Variants in CDH3 observed in about 807,000 individuals in gnomAD.
CDH3 encodes the protein cadherin 3.
Under a neutral mutation model 82.0 loss-of-function variants are expected in CDH3, and 54 were observed. The ratio of observed to expected loss-of-function variants is 0.66; its 90% CI spans 0.53 to 0.83. CDH3 has a LOEUF of 0.83. CDH3 is among the 40% of genes least tolerant of loss of function. The probability of loss-of-function intolerance (pLI) is 0.00; values close to 1 mark genes in which losing one functional copy is unlikely to be tolerated. For synonymous variants in CDH3, 446 were observed against 437.9 expected (o/e 1.02, Z -0.23); for missense variants, 1,054 against 1,084.6 (o/e 0.97, Z 0.40).
At chr16:68,656,823 G>A (rs900455928) in intron 2 of CDH3, among the ~76,000 whole-genome samples, 9 of 152,200 alleles carry the variant, frequency 5.9e-5, no homozygotes, top group Admixed American at 2.0e-4. Context: ...TAATCGCCAG[G>A]AGGGTTGGGG....
At position 68,653,100 on chromosome 16, in the gene CDH3, T is replaced by C. The variant is rs139739839; in HGVS notation, c.160+7350T>C. Reference sequence around the variant, plus strand: ...ATATCAGCTCCTCTCTGTTCTGAAGTAGTGAGGTGTCTTCTGCATTCTCCC... The same window carrying C: ...ATATCAGCTCCTCTCTGTTCTGAAGCAGTGAGGTGTCTTCTGCATTCTCCC... On this transcript the variant is annotated intron_variant, in intron 2 of 15. Transcript: ENST00000264012. 3.1e-3 allele frequency among the ~76,000 whole-genome samples: 474 copies of C among 152,280 alleles called. 6 individuals are homozygous for C. The highest frequency in any genetic ancestry group is 0.02 in the East Asian group (104 of 5,182).
intron 2 of CDH3, among the ~76,000 whole-genome samples, chr16:68,725,419 T>C (rs932511775): frequency 7.2e-5 from 11 of 151,962 alleles, no homozygotes; most frequent in South Asian, 2.1e-4. Context: ...CTGCAAGCTC[T>C]GCCTCCAGGG....
chr16:68,710,595 C>T (rs991000141), intron 1 of CDH3, among the ~76,000 whole-genome samples: 3 of 151,982 alleles, frequency 2.0e-5, no homozygotes, highest in Admixed American at 2.0e-4. Flanking sequence ...CGGTGGCTCA[C>T]GCCTGTAATC....
rs531388161 is a variant in CDH3, at chr16:68,666,510, G to C, written c.161-9875G>C. Among the ~76,000 whole-genome samples the C allele has an allele frequency of 2.6e-5, 4 of 152,214 alleles. No homozygotes were observed. The South Asian group carries it at 6.2e-4, about 24-fold the overall frequency. On this transcript the variant is annotated intron_variant, in intron 2 of 15. Coordinates refer to ENST00000264012, the MANE Select transcript of CDH3 (RefSeq NM_001793.6). ...GCCTCTTGGGATCCCAGCATGTGCA[G>C]CCTCTTCCCCCCACCCCACTTTGCT...
At chr16:68,676,783 C>G (rs1205758711) in intron 3 of CDH3, among the ~76,000 whole-genome samples, 1 of 152,218 alleles carries the variant, frequency 6.6e-6, no homozygotes, top group Non-Finnish European at 1.5e-5. Flanking sequence ...CCCTTATCAT[C>G]CATGTTAACC....
chr16:68,647,663 T>A (rs912932807), intron 2 of CDH3, among the ~76,000 whole-genome samples: 2 of 152,110 alleles, frequency 1.3e-5, no homozygotes, highest in Non-Finnish European at 2.9e-5. Context: ...CTTGCTTTTT[T>A]AAGTAAAAGT....
intron 2 of CDH3, among the ~76,000 whole-genome samples, chr16:68,670,205 CA>C (rs1960848420): frequency 8.9e-6 from 1 of 112,074 alleles, no homozygotes; most frequent in Non-Finnish European, 1.7e-5. Context: ...GCCTGGGCAA[CA>C]GAGCAAGACT....
At position 68,698,171 on chromosome 16, in the gene CDH3, C is replaced by T. The variant is rs1961791979; in HGVS notation, c.2281-20C>T. 1 of 1,613,526 alleles carries T rather than the reference C, an allele frequency of 6.2e-7. No individual in the cohort carries two copies. Among genetic ancestry groups the T allele is most frequent in the Non-Finnish European group, 8.5e-7 (1 of 1,179,590 alleles). On this transcript the variant is annotated intron_variant, in intron 15 of 15. Coordinates refer to ENST00000264012, the MANE Select transcript of CDH3 (RefSeq NM_001793.6). The stretch of plus-strand genomic sequence containing the variant: ...AGGCAGGACCCGCCGCTCCTAACTA[C>T]CTGTTCTCTGTTGCCGCAGAACCTG...
rs796911735 is a variant in CDH3 at position 68,678,140 on chromosome 16, A to G, written c.253A>G (p.Arg85Gly). The G allele has an allele frequency of 1.2e-6, 2 of 1,613,780 alleles. No homozygotes were observed. Among genetic ancestry groups the G allele is most frequent in the Non-Finnish European group, 1.7e-6 (2 of 1,179,770 alleles). The change falls in exon 4 of 16, where the codon AGG becomes GGG. Residue 85 changes from arginine to glycine, a missense_variant. Transcript: ENST00000264012. ...GGAGTTTCTCTCCTTGCAGGAAAGA[A>G]GGTCACTGAAGGAAAGGAATCCATT... is the stretch of plus-strand genomic sequence containing the variant. ...VRNGETVQER[R>G]SLKERNPLKI... is the part of the protein sequence containing the mutation.
chr16:68,679,726 A>C, intron 6 of CDH3, 73 bp from the exon 7 acceptor site: 1 of 975,368 alleles, frequency 1.0e-6, no homozygotes, highest in African/African-American at 1.7e-5. Flanking sequence ...AAAGAAAAGA[A>C]AAAAAGAGTT....
intron 2 of CDH3, among the ~76,000 whole-genome samples, chr16:68,656,209 G>A (rs1960406077): frequency 6.6e-6 from 1 of 151,868 alleles, no homozygotes; most frequent in African/African-American, 2.4e-5. Context: ...AGTTGTACCA[G>A]TATGGAGACA....
rs367565334 is a variant in CDH3, at chr16:68,697,119, T to C, written c.2281-1072T>C. Among the ~76,000 whole-genome samples the C allele has an allele frequency of 1.1e-4, 16 of 150,948 alleles. No individual in the cohort carries two copies. The East Asian group carries it at 2.0e-3, about 18-fold the overall frequency. On this transcript the variant is annotated intron_variant, in intron 15 of 15. Coordinates refer to ENST00000264012, the MANE Select transcript of CDH3 (RefSeq NM_001793.6). The stretch of plus-strand genomic sequence containing the variant: ...GCGGGCAGATCACAAGGTCAAGAGA[T>C]TGAGACTATCCTGGCCAACATGGTA...
At chr16:68,667,363 C>G (rs1960760849) in intron 2 of CDH3, among the ~76,000 whole-genome samples, 2 of 152,138 alleles carry the variant, frequency 1.3e-5, no homozygotes, top group Admixed American at 1.3e-4. Flanking sequence ...TGCCTTTTGG[C>G]CACAATATGT....
At position 68,645,501 on chromosome 16, in the gene CDH3, G is replaced by A. The variant is rs552461610; in HGVS notation, c.45+77G>A. 22 of 1,526,200 alleles carry A rather than the reference G, an allele frequency of 1.4e-5. No homozygotes were observed. In the South Asian group the frequency reaches 2.0e-4, roughly 14 times the overall value. 94.5% of individuals were successfully genotyped at this position (1,526,200 alleles called of 1,614,324 possible). A position where few individuals can be genotyped will look rare whatever the true frequency, so the allele number is the denominator to read the frequency against. On this transcript the variant is annotated intron_variant, in intron 1 of 15. Transcript: ENST00000264012. ...GGCGGGGTCCGCATGGGGCAGTGGC[G>A]TCGGGGAGAGCGCGGGGCTGCGCTC...
chr16:68,701,414 G>A (rs796294411), downstream of CDH3, among the ~76,000 whole-genome samples: 7 of 152,192 alleles, frequency 4.6e-5, no homozygotes, highest in Admixed American at 3.9e-4. Flanking sequence ...CGCTAACCAC[G>A]CAGAGTGGAC....
chr16:68,707,410 A>G lies in CDH3; in HGVS notation c.99+11487A>G, dbSNP rs1961977904. Reference sequence around the variant, plus strand: ...GACTCAGCTCCATCCCGGGGCTGGCAGAACCTGGTTCCTCCTCTGCTGTAT... The same window carrying G: ...GACTCAGCTCCATCCCGGGGCTGGCGGAACCTGGTTCCTCCTCTGCTGTAT... On this transcript the variant is annotated intron_variant, in intron 1 of 2. Coordinates refer to the CDH3 transcript ENST00000569080. The surrounding 1 kb of genome is among the most constrained non-coding windows in gnomAD (Gnocchi z 4.5). Among the ~76,000 whole-genome samples the G allele has an allele frequency of 6.6e-6, 1 of 152,200 alleles. No homozygotes were observed. Among genetic ancestry groups the G allele is most frequent in the Non-Finnish European group, 1.5e-5 (1 of 68,038 alleles).
At chr16:68,650,651 A>G (rs768395429) in intron 2 of CDH3, among the ~76,000 whole-genome samples, 1 of 152,182 alleles carries the variant, frequency 6.6e-6, no homozygotes, top group Non-Finnish European at 1.5e-5. Context: ...AGAAACCACA[A>G]ACTGATCGGC....
chr16:68,660,696 T>C (rs1029285443), intron 2 of CDH3, among the ~76,000 whole-genome samples: 1 of 152,292 alleles, frequency 6.6e-6, no homozygotes, highest in East Asian at 1.9e-4. Context: ...CTGGGGCTCA[T>C]GCCTGTAATC....
At chr16:68,729,999 C>A (rs1962266928), downstream of CDH3, among the ~76,000 whole-genome samples, 1 of 152,096 alleles carries the variant, frequency 6.6e-6, no homozygotes, top group South Asian at 2.1e-4. Flanking sequence ...CTTTGGGAGG[C>A]CGAGGCGGGT....
Sources: gnomAD v4.1 joint callset for allele counts (sites outside exome capture counted in the v4.1 genomes callset) on GRCh38, gnomAD v4.1.1 for gene constraint, Gnocchi (gnomAD v3.1) non-coding constraint, MANE v1.5 for transcripts, NCBI Gene and HGNC (gene_info 2026-07-23, HGNC 2026-07-21) for gene names.